The following PLS3 variants were observed in gnomAD, a reference collection of about 807,000 sequenced individuals.
PLS3 encodes plastin 3.
A neutral mutation model predicts 46.5 loss-of-function variants in PLS3; 11 were observed. That is an observed-to-expected ratio of 0.24 (90% CI 0.15 to 0.39). The LOEUF is 0.39. PLS3 is among the 10% of genes least tolerant of loss of function. The probability of loss-of-function intolerance (pLI) is 1.00; values close to 1 mark genes in which losing one functional copy is unlikely to be tolerated. For synonymous variants in PLS3, 167 were observed against 162.2 expected (o/e 1.03, Z -0.22); for missense variants, 308 against 461.8 (o/e 0.67, Z 3.05).
At chrX:115,564,426 T>C (rs2074159476) in intron 1 of PLS3, among the ~76,000 whole-genome samples, 1 of 112,295 alleles carries the variant, frequency 8.9e-6, no homozygotes, top group African/African-American at 3.2e-5. Flanking sequence ...ACTTTGACTG[T>C]GACTGTTTAT....
intron 1 of PLS3, among the ~76,000 whole-genome samples, chrX:115,607,981 A>G (rs1393065857): frequency 1.8e-5 from 2 of 111,842 alleles, no homozygotes; most frequent in Admixed American, 9.6e-5. Flanking sequence ...GGAGATTAGA[A>G]TATTTAGCTC....
At chrX:115,623,722 T>TTTGTCA (rs2074679542) in intron 3 of PLS3, among the ~76,000 whole-genome samples, 1 of 111,487 alleles carries the variant, frequency 9.0e-6, no homozygotes, top group Admixed American at 9.6e-5. Flanking sequence ...CCAGCGCTCC[T>TTTGTCA]ATCCTCCTTT....
At chrX:115,643,703 G>A (rs930341366) in intron 10 of PLS3, among the ~76,000 whole-genome samples, 195 bp downstream of exon 10, 4 of 112,174 alleles carry the variant, frequency 3.6e-5, no homozygotes, top group African/African-American at 6.5e-5. Context: ...GGGCACGGTG[G>A]CTCACAGCTG....
At chrX:115,646,770 GAC>G (rs782212025) in intron 13 of PLS3, among the ~76,000 whole-genome samples, 1 of 112,345 alleles carries the variant, frequency 8.9e-6, no homozygotes, top group South Asian at 3.7e-4. Context: ...TAGGAAGCCT[GAC>G]ACACAGATTT....
chrX:115,604,970 A>C (rs1223828111), intron 1 of PLS3, among the ~76,000 whole-genome samples: 1 of 111,950 alleles, frequency 8.9e-6, no homozygotes, highest in East Asian at 2.8e-4. Context: ...ATCTACATTA[A>C]ACAACTTTAT....
intron 1 of PLS3, among the ~76,000 whole-genome samples, chrX:115,579,623 T>C (rs1222967038): frequency 8.9e-6 from 1 of 112,252 alleles, no homozygotes; most frequent in African/African-American, 3.2e-5. Context: ...TGATAGCTCA[T>C]TGTAGTTGCA....
At chrX:115,626,144 T>C (rs1475210090) in intron 3 of PLS3, among the ~76,000 whole-genome samples, 1 of 112,301 alleles carries the variant, frequency 8.9e-6, no homozygotes, top group Non-Finnish European at 1.9e-5. Flanking sequence ...CAGAGATTTC[T>C]TGTCAAGCCA....
At chrX:115,587,894 A>C (rs1259953313) in intron 1 of PLS3, among the ~76,000 whole-genome samples, 4 of 112,243 alleles carry the variant, frequency 3.6e-5, no homozygotes, top group Non-Finnish European at 7.5e-5. Flanking sequence ...CCAATGCTAA[A>C]ATTAGAGCTT....
intron 5 of PLS3, 129 bp from the exon 6 acceptor site, chrX:115,633,871 C>T (rs2074803806): frequency 2.1e-6 from 1 of 473,688 alleles, no homozygotes. Context: ...CATCTAGCTG[C>T]ATTTTTTAGA....
At chrX:115,601,258 A>G (rs1603229677) in intron 1 of PLS3, among the ~76,000 whole-genome samples, 1 of 109,941 alleles carries the variant, frequency 9.1e-6, no homozygotes, top group African/African-American at 3.3e-5. Context: ...TGTAGTACAT[A>G]TAATGGGAAG....
At chrX:115,587,600 T>G (rs889903604) in intron 1 of PLS3, among the ~76,000 whole-genome samples, 1 of 110,846 alleles carries the variant, frequency 9.0e-6, no homozygotes, top group Non-Finnish European at 1.9e-5. Flanking sequence ...CTGGGCGTGG[T>G]GGCGGGCACC....
intron 1 of PLS3, among the ~76,000 whole-genome samples, chrX:115,601,919 T>G (rs186744602): frequency 8.9e-6 from 1 of 111,960 alleles, no homozygotes; most frequent in Admixed American, 9.5e-5. Context: ...TTTCCTAACT[T>G]GAATCGTCCT....
Position 115,646,441 on chromosome X carries a change from C to A in PLS3, c.1417C>A (p.Pro473Thr). Residue 473 changes from proline (P) to threonine (T), a missense_variant, in exon 13 of 16, where the codon CCT becomes ACT. By Grantham distance (38) the Pro-to-Thr change is conservative. Transcript: ENST00000355899. Reference protein sequence around the residue: ...CNYAVELGKHPAKFSLVGIGG... With the variant: ...CNYAVELGKHTAKFSLVGIGG... ...CTATGCTGTTGAATTAGGGAAGCAT[C>A]CTGCTAAATTCTCCCTGGTTGGCAT... 1 of 1,209,241 alleles carries A rather than the reference C, an allele frequency of 8.3e-7. No individual in the cohort carries two copies. Among genetic ancestry groups the A allele is most frequent in the South Asian group, 1.8e-5 (1 of 56,910 alleles).
At chrX:115,591,905 A>C (rs781960316) in intron 1 of PLS3, among the ~76,000 whole-genome samples, 23 of 112,540 alleles carry the variant, frequency 2.0e-4, no homozygotes, top group African/African-American at 7.1e-4. Context: ...CTGCCATTGT[A>C]TTCCTTCTCT....
intron 5 of PLS3, among the ~76,000 whole-genome samples, chrX:115,631,210 C>A (rs987781348): frequency 5.7e-5 from 6 of 104,846 alleles, no homozygotes; most frequent in Non-Finnish European, 1.2e-4. Context: ...CATGCACCAC[C>A]ACACCCGGCT....
chrX:115,575,384 G>C (rs962749256), intron 1 of PLS3, among the ~76,000 whole-genome samples: 2 of 111,933 alleles, frequency 1.8e-5, no homozygotes, highest in Non-Finnish European at 3.8e-5. Flanking sequence ...TTACCACTCT[G>C]CTCTTAATAT....
chrX:115,647,061 G>A (rs1240217078), intron 13 of PLS3, among the ~76,000 whole-genome samples: 2 of 111,524 alleles, frequency 1.8e-5, no homozygotes, highest in Non-Finnish European at 3.8e-5. Flanking sequence ...GAGTAGATCA[G>A]TAGCAAGCCA....
Position 115,645,061 on chromosome X carries a change from C to T in PLS3, c.1224C>T (p.Asn408=), listed in dbSNP as rs782101014. 1.4e-5 allele frequency: 17 copies of T among 1,195,998 alleles called. No homozygotes were observed. The highest frequency in any genetic ancestry group is 1.9e-5 in the Non-Finnish European group (17 of 881,443). The stretch of plus-strand genomic sequence containing the variant: ...AAAGAACCTTCCGTAACTGGATGAA[C>T]TCTCTTGGTGTCAATCCTCACGTAA... ...REERTFRNWM[N]SLGVNPHVNH... Residue 408 remains asparagine (N), a synonymous_variant, in exon 11 of 16, where the codon AAC becomes AAT. Coordinates refer to ENST00000355899, the MANE Select transcript of PLS3 (RefSeq NM_005032.7).
At chrX:115,585,605 T>G (rs2079133802) in intron 1 of PLS3, among the ~76,000 whole-genome samples, 2 of 110,815 alleles carry the variant, frequency 1.8e-5, no homozygotes, top group Non-Finnish European at 1.9e-5. Context: ...TTGGCCAGGC[T>G]GATCTCAAAC....
Sources: allele counts gnomAD v4.1 joint callset (sites outside exome capture counted in the v4.1 genomes callset), GRCh38; gene constraint gnomAD v4.1.1; transcripts MANE v1.5; gene names NCBI Gene and HGNC (gene_info 2026-07-23, HGNC 2026-07-21).